The following CSMD1 variants were observed in gnomAD, a reference collection of about 807,000 sequenced individuals.
CSMD1 encodes the protein CUB and sushi domain-containing protein 1.
Under a neutral mutation model 417.5 loss-of-function variants are expected in CSMD1, and 213 were observed. The ratio of observed to expected loss-of-function variants is 0.51; its 90% confidence interval spans 0.46 to 0.57. The LOEUF (loss-of-function observed/expected upper bound fraction) is 0.57. Among genes scored for constraint, CSMD1 ranks in the 20% least tolerant of loss-of-function variants. The pLI is 0.00. For synonymous variants in CSMD1, 2,862 were observed against 1,736.8 expected, an observed-to-expected ratio of 1.65 and a Z score of -16.11; for missense variants, 6,923 against 4,529.7, an observed-to-expected ratio of 1.53 and a Z score of -15.17.
At chr8:4,281,354 C>T (rs924760830) in intron 3 of CSMD1, among the ~76,000 whole-genome samples, 4 of 152,120 alleles carry the variant, frequency 2.6e-5, no homozygotes, top group African/African-American at 4.8e-5. Context: ...AGTAAGATGA[C>T]GGCATAAGGT....
intron 3 of CSMD1, among the ~76,000 whole-genome samples, chr8:4,037,679 AG>A (rs1279187739): frequency 6.6e-6 from 1 of 152,162 alleles, no homozygotes; most frequent in Non-Finnish European, 1.5e-5. Flanking sequence ...TTGATTTTAA[AG>A]GGGAAGGTGT....
At chr8:3,148,523 C>G (rs11774168) in intron 40 of CSMD1, among the ~76,000 whole-genome samples, 33,662 of 152,096 alleles carry the variant, frequency 0.22, 4,949 homozygotes, top group African/African-American at 0.42. Context: ...CATGACGCTG[C>G]TTTAAAACTC....
At chr8:4,465,417 C>G (rs146884319) in intron 2 of CSMD1, among the ~76,000 whole-genome samples, 1 of 152,064 alleles carries the variant, frequency 6.6e-6, no homozygotes, top group Non-Finnish European at 1.5e-5. Flanking sequence ...GCTGAAGGAG[C>G]CTTGTACGTT....
chr8:3,474,234 G>A (rs1817280325), intron 11 of CSMD1, among the ~76,000 whole-genome samples: 2 of 152,134 alleles, frequency 1.3e-5, no homozygotes, highest in South Asian at 2.1e-4. Context: ...GTTGGAAAAG[G>A]AATGAATGAA....
intron 7 of CSMD1, among the ~76,000 whole-genome samples, chr8:3,691,965 C>T (rs1800270622): frequency 6.6e-6 from 1 of 152,174 alleles, no homozygotes; most frequent in African/African-American, 2.4e-5. Flanking sequence ...TTTCACTCCC[C>T]TGAATGACGG....
At chr8:3,276,288 T>A (rs1185381457) in intron 26 of CSMD1, among the ~76,000 whole-genome samples, 2 of 152,168 alleles carry the variant, frequency 1.3e-5, no homozygotes, top group African/African-American at 4.8e-5. Flanking sequence ...TTGTCAGATC[T>A]CCAGCTGCAT....
chr8:4,247,943 C>G (rs947410230), intron 3 of CSMD1, among the ~76,000 whole-genome samples: 1 of 152,096 alleles, frequency 6.6e-6, no homozygotes, highest in South Asian at 2.1e-4. Context: ...ATCAAATATT[C>G]ATAATTTTTT....
chr8:4,669,013 C>G (rs1249200735), intron 1 of CSMD1, among the ~76,000 whole-genome samples: 2 of 152,174 alleles, frequency 1.3e-5, no homozygotes, highest in African/African-American at 4.8e-5. Context: ...TTTAATCTCA[C>G]TCATTTCCTT....
chr8:4,461,862 T>A (rs979525717), intron 2 of CSMD1, among the ~76,000 whole-genome samples: 17 of 150,688 alleles, frequency 1.1e-4, no homozygotes, highest in African/African-American at 3.2e-4. Context: ...TGCCTCAGCC[T>A]CCCGAGTAGC....
At chr8:4,211,784 C>T (rs540272667) in intron 3 of CSMD1, among the ~76,000 whole-genome samples, 8 of 152,292 alleles carry the variant, frequency 5.3e-5, no homozygotes, top group Non-Finnish European at 1.0e-4. Flanking sequence ...TTTCTTCAAA[C>T]TGTTTTTACA....
intron 3 of CSMD1, among the ~76,000 whole-genome samples, chr8:4,252,276 G>C (rs898982525): frequency 1.3e-5 from 2 of 152,174 alleles, no homozygotes; most frequent in East Asian, 3.8e-4. Context: ...TCTTTCCTGT[G>C]AGTTGTCTTC....
intron 1 of CSMD1, among the ~76,000 whole-genome samples, chr8:4,707,456 T>C (rs6558905): frequency 0.051 from 7,832 of 152,214 alleles, 670 homozygotes; most frequent in African/African-American, 0.18. Flanking sequence ...GAAGGTCAGA[T>C]TAACAGAAAC....
chr8:4,878,138 G>A (rs1285111579), intron 1 of CSMD1, among the ~76,000 whole-genome samples: 1 of 152,012 alleles, frequency 6.6e-6, no homozygotes, highest in Non-Finnish European at 1.5e-5. Flanking sequence ...CCTCAGAAGT[G>A]GAGTCTAAGA....
intron 1 of CSMD1, among the ~76,000 whole-genome samples, chr8:4,799,439 A>T (rs1373239361): frequency 1.3e-5 from 2 of 151,416 alleles, no homozygotes; most frequent in African/African-American, 4.9e-5. Context: ...TCTACTAAAA[A>T]TACAAAAATT....
At chr8:3,668,801 C>T (rs371224980) in intron 7 of CSMD1, among the ~76,000 whole-genome samples, 22 of 152,186 alleles carry the variant, frequency 1.4e-4, no homozygotes, top group African/African-American at 5.1e-4. Context: ...ATTTTGTTGC[C>T]TTAGACAATT....
chr8:4,554,013 G>T (rs1475450616), intron 2 of CSMD1, among the ~76,000 whole-genome samples: 1 of 152,182 alleles, frequency 6.6e-6, no homozygotes, highest in Non-Finnish European at 1.5e-5. Flanking sequence ...AGTAGACCTT[G>T]CGATCTAACC....
intron 26 of CSMD1, among the ~76,000 whole-genome samples, chr8:3,246,733 A>G (rs1799908240): frequency 6.6e-6 from 1 of 152,146 alleles, no homozygotes. Flanking sequence ...TTGGCATCCC[A>G]AAGTGCTGCG....
intron 1 of CSMD1, among the ~76,000 whole-genome samples, chr8:4,874,891 T>C (rs900467593): frequency 6.7e-6 from 1 of 149,756 alleles, no homozygotes; most frequent in African/African-American, 2.4e-5. Context: ...TAGAGTATAG[T>C]GTATATATAG....
At chr8:3,188,107 C>T (rs1362195234) in intron 35 of CSMD1, 142 bp from the exon 36 acceptor site, 4 of 276,760 alleles carry the variant, frequency 1.4e-5, no homozygotes, top group African/African-American at 2.3e-5. Context: ...TATACATATA[C>T]ACCTTAATAA....
Sources: gnomAD v4.1 joint callset for allele counts (sites outside exome capture counted in the v4.1 genomes callset) on GRCh38, gnomAD v4.1.1 for gene constraint, MANE v1.5 for transcripts, NCBI Gene and HGNC (gene_info 2026-07-23, HGNC 2026-07-21) for gene names.